The following GRID2 variants were observed in gnomAD, a reference collection of about 807,000 sequenced individuals.
GRID2 encodes the protein glutamate receptor ionotropic, delta-2.
In GRID2, 33 loss-of-function variants were observed where a neutral mutation model predicts 114.8. The observed-to-expected ratio is 0.29, with a 90% CI of 0.22 to 0.38. The LOEUF (loss-of-function observed/expected upper bound fraction) is 0.38. GRID2 is among the 10% of genes least tolerant of loss of function. The pLI is 1.00. For synonymous variants in GRID2, 505 were observed against 449.9 expected (o/e 1.12, Z -1.55); for missense variants, 1,184 against 1,257.7 (o/e 0.94, Z 0.89).
chr4:93,190,043 A>G (rs993138574), intron 4 of GRID2, among the ~76,000 whole-genome samples: 2 of 152,056 alleles, frequency 1.3e-5, no homozygotes, highest in Admixed American at 1.3e-4. Flanking sequence ...TGTCACATTG[A>G]CTTTGCATTT....
chr4:93,471,465 T>C (rs973396240), intron 11 of GRID2, among the ~76,000 whole-genome samples: 1 of 152,058 alleles, frequency 6.6e-6, no homozygotes, highest in Non-Finnish European at 1.5e-5. Context: ...CTGAGGGGTC[T>C]GAAGACTCAA....
At position 92,862,934 on chromosome 4, in the gene GRID2, CACA is replaced by C. The variant is rs551848449; in HGVS notation, c.245-222055_245-222053del. ...GGCACTTGAGACGGATTGATAAATG[CACA>C]ACAACTTTTAGAAAACTCCATTCAT... is the stretch of plus-strand genomic sequence containing the variant. On this transcript the variant is annotated intron_variant, in intron 2 of 15. Transcript: ENST00000282020. Among the ~76,000 whole-genome samples the C allele has an allele frequency of 2.4e-4, 36 of 152,128 alleles. No individual in the cohort carries two copies. The East Asian group carries it at 6.6e-3, about 28-fold the overall frequency.
chr4:92,450,942 A>G (rs1720894173), intron 1 of GRID2, among the ~76,000 whole-genome samples: 1 of 150,104 alleles, frequency 6.7e-6, no homozygotes, highest in African/African-American at 2.4e-5. Flanking sequence ...ATTAAAATAA[A>G]TTTAATTTAA....
intron 13 of GRID2, among the ~76,000 whole-genome samples, chr4:93,593,909 C>G (rs1237919297): frequency 1.3e-5 from 2 of 151,972 alleles, no homozygotes; most frequent in South Asian, 2.1e-4. Context: ...GGTCCATCAG[C>G]TCCTTTAAGC....
rs779621630 is a variant in GRID2 at position 93,490,762 on chromosome 4, T to C, written c.1982T>C (p.Ile661Thr). The change falls in exon 12 of 16, where the codon ATT becomes ACT. Residue 661 changes from isoleucine (I) to threonine (T), a missense_variant. By Grantham distance (89) the Ile-to-Thr change is moderately conservative (BLOSUM62 -1). Coordinates refer to ENST00000282020, the MANE Select transcript of GRID2 (RefSeq NM_001510.4). ...GCTGCTTTCCTCACTATTACACGCA[T>C]TGAAAGTTCCATCCAGTAAGTAAAC... ...NLAAFLTITR[I>T]ESSIQSLQDL... The C allele has an allele frequency of 7.5e-6, 12 of 1,608,426 alleles. No individual in the cohort carries two copies. The highest frequency in any genetic ancestry group is 1.7e-4 in the Middle Eastern group (1 of 6,040).
At chr4:92,714,194 G>A (rs918401345) in intron 2 of GRID2, among the ~76,000 whole-genome samples, 9 of 152,156 alleles carry the variant, frequency 5.9e-5, no homozygotes, top group African/African-American at 9.7e-5. Context: ...CCCCATGTAC[G>A]TCCAAAATCC....
At chr4:93,789,171 ATAT>A (rs1254852111) in intron 1 of GRID2, among the ~76,000 whole-genome samples, 1 of 152,206 alleles carries the variant, frequency 6.6e-6, no homozygotes, top group Non-Finnish European at 1.5e-5. Context: ...AAACACAGTG[ATAT>A]TATGTGTTTT....
intron 1 of GRID2, among the ~76,000 whole-genome samples, chr4:92,405,179 T>C (rs1730968202): frequency 6.6e-6 from 1 of 152,186 alleles, no homozygotes; most frequent in East Asian, 1.9e-4. Flanking sequence ...TCGACTTTGG[T>C]CTAGTTAATT....
At chr4:93,612,974 C>G (rs1741130611) in intron 13 of GRID2, among the ~76,000 whole-genome samples, 1 of 146,774 alleles carries the variant, frequency 6.8e-6, no homozygotes, top group African/African-American at 2.5e-5. Flanking sequence ...TTGGTCTTTT[C>G]ACATACTCCC....
At chr4:93,493,749 A>G (rs1727258301) in intron 12 of GRID2, among the ~76,000 whole-genome samples, 1 of 151,832 alleles carries the variant, frequency 6.6e-6, no homozygotes, top group African/African-American at 2.4e-5. Context: ...AGGTTTATCT[A>G]AAAGTAAAAC....
intron 4 of GRID2, among the ~76,000 whole-genome samples, chr4:93,132,169 A>G (rs1156270233): frequency 6.6e-6 from 1 of 152,190 alleles, no homozygotes; most frequent in African/African-American, 2.4e-5. Context: ...ATTTTTCCCA[A>G]TACAACAGTA....
At chr4:92,881,369 T>C (rs1013087422) in intron 2 of GRID2, among the ~76,000 whole-genome samples, 1 of 152,194 alleles carries the variant, frequency 6.6e-6, no homozygotes, top group Non-Finnish European at 1.5e-5. Context: ...TATATAACAT[T>C]TACCTGTCAC....
At chr4:93,121,408 A>C (rs1047177826) in intron 4 of GRID2, among the ~76,000 whole-genome samples, 1 of 152,308 alleles carries the variant, frequency 6.6e-6, no homozygotes, top group Non-Finnish European at 1.5e-5. Context: ...GTATATAAAT[A>C]GAATCATACG....
chr4:93,476,032 C>T (rs1329848857), intron 11 of GRID2, among the ~76,000 whole-genome samples: 1 of 151,920 alleles, frequency 6.6e-6, no homozygotes, highest in Non-Finnish European at 1.5e-5. Context: ...GTGGTAAAAT[C>T]AGTAGGTTAA....
intron 4 of GRID2, among the ~76,000 whole-genome samples, chr4:93,205,180 T>C (rs1474697531): frequency 1.3e-5 from 2 of 152,156 alleles, no homozygotes; most frequent in African/African-American, 4.8e-5. Context: ...ATCAGAAAAT[T>C]TGAAATAAGG....
intron 14 of GRID2, among the ~76,000 whole-genome samples, chr4:93,736,138 C>T (rs1730909451): frequency 6.6e-6 from 1 of 151,894 alleles, no homozygotes; most frequent in African/African-American, 2.4e-5. Flanking sequence ...ACAAAAATTC[C>T]CTTCCTAAGA....
intron 14 of GRID2, among the ~76,000 whole-genome samples, chr4:93,699,942 G>A (rs1015138054): frequency 6.6e-6 from 1 of 152,062 alleles, no homozygotes; most frequent in Non-Finnish European, 1.5e-5. Flanking sequence ...CTAACCAACT[G>A]AAATTCAATG....
intron 13 of GRID2, among the ~76,000 whole-genome samples, chr4:93,607,256 G>A (rs1740344681): frequency 6.6e-6 from 1 of 151,996 alleles, no homozygotes; most frequent in South Asian, 2.1e-4. Flanking sequence ...ATATACTCAT[G>A]TATTTATATA....
intron 2 of GRID2, among the ~76,000 whole-genome samples, chr4:92,737,253 C>G (rs1736642237): frequency 6.6e-6 from 1 of 151,992 alleles, no homozygotes; most frequent in Non-Finnish European, 1.5e-5. Context: ...GTAAAAGCTA[C>G]TTTTTAAGTA....
Sources: gnomAD v4.1 joint callset for allele counts (sites outside exome capture counted in the v4.1 genomes callset) on GRCh38, gnomAD v4.1.1 for gene constraint, MANE v1.5 for transcripts, NCBI Gene and HGNC (gene_info 2026-07-23, HGNC 2026-07-21) for gene names.